ZEB1: variants seen among roughly 807,000 people sequenced by gnomAD.
The protein encoded by ZEB1 is zinc finger E-box-binding homeobox 1.
Under a neutral mutation model 84.9 loss-of-function variants are expected in ZEB1, and 21 were observed. The observed-to-expected ratio is 0.25, with a 90% CI of 0.18 to 0.36. ZEB1 has a LOEUF of 0.36. Ranked by LOEUF, ZEB1 falls within the 10% of genes least tolerant of loss-of-function variation. The pLI is 1.00. For synonymous variants in ZEB1, 420 were observed against 471.1 expected, an observed-to-expected ratio of 0.89 and a Z score of 1.41; for missense variants, 1,104 against 1,330.2, an observed-to-expected ratio of 0.83 and a Z score of 2.65.
intron 1 of ZEB1, among the ~76,000 whole-genome samples, chr10:31,322,647 T>A (rs1157295745): frequency 6.6e-6 from 1 of 152,204 alleles, no homozygotes; most frequent in Non-Finnish European, 1.5e-5. Flanking sequence ...TTAGAATTGC[T>A]TGAATTAGTT....
At chr10:31,395,116 A>G (rs1434329253) in intron 1 of ZEB1, among the ~76,000 whole-genome samples, 2 of 152,224 alleles carry the variant, frequency 1.3e-5, no homozygotes, top group Non-Finnish European at 2.9e-5. Flanking sequence ...GAAACATTGC[A>G]TAGATCTGCT....
intron 2 of ZEB1, among the ~76,000 whole-genome samples, chr10:31,490,420 T>A (rs1037366168): frequency 2.6e-5 from 4 of 151,730 alleles, no homozygotes; most frequent in Admixed American, 6.6e-5. Context: ...TTTCCATTGA[T>A]GTACTGTCAA....
At chr10:31,395,598 G>T (rs1194267857) in intron 1 of ZEB1, among the ~76,000 whole-genome samples, 2 of 152,146 alleles carry the variant, frequency 1.3e-5, no homozygotes. Context: ...TAGGGATGAG[G>T]TCTGACCTGA....
At chr10:31,352,058 A>G (rs1008802240) in intron 1 of ZEB1, among the ~76,000 whole-genome samples, 2 of 152,230 alleles carry the variant, frequency 1.3e-5, no homozygotes, top group African/African-American at 4.8e-5. Flanking sequence ...CATATAATTC[A>G]TAATACATAG....
chr10:31,333,238 C>T (rs1448250937), intron 1 of ZEB1, among the ~76,000 whole-genome samples: 1 of 152,088 alleles, frequency 6.6e-6, no homozygotes, highest in Non-Finnish European at 1.5e-5. Context: ...TGTTCATTTT[C>T]ACCTGAGTTG....
intron 1 of ZEB1, among the ~76,000 whole-genome samples, chr10:31,379,401 A>G (rs889932851): frequency 2.0e-5 from 3 of 151,540 alleles, no homozygotes; most frequent in African/African-American, 4.9e-5. Context: ...AACTTAACCA[A>G]TTCTCCTCTT....
intron 5 of ZEB1, among the ~76,000 whole-genome samples, chr10:31,511,329 G>T (rs952756944): frequency 6.6e-6 from 1 of 151,912 alleles, no homozygotes; most frequent in African/African-American, 2.4e-5. Context: ...TAAGCTACGT[G>T]GTTTTTTTCC....
rs542043685 is a variant in ZEB1, at chr10:31,352,821, G to A, written c.58+33529G>A. On this transcript the variant is annotated intron_variant, in intron 1 of 8. Coordinates refer to ENST00000424869, the MANE Select transcript of ZEB1 (RefSeq NM_001174096.2). ...ACTTAGCATTACTTCTGCCCATTCT[G>A]TTGATCAAAACAAGTCACAAGGCCA... Among the ~76,000 whole-genome samples the A allele has an allele frequency of 2.0e-5, 3 of 152,304 alleles. No individual in the cohort carries two copies. In the East Asian group the frequency reaches 5.8e-4, roughly 29 times the overall value.
intron 1 of ZEB1, among the ~76,000 whole-genome samples, chr10:31,409,802 G>A (rs1300971912): frequency 6.6e-6 from 1 of 150,778 alleles, no homozygotes; most frequent in Non-Finnish European, 1.5e-5. Flanking sequence ...TCATGATTTG[G>A]CTCTGTTTGT....
chr10:31,388,655 G>T (rs992600560), intron 1 of ZEB1, among the ~76,000 whole-genome samples: 2 of 151,994 alleles, frequency 1.3e-5, no homozygotes, highest in African/African-American at 4.8e-5. Context: ...CTTCAAAACA[G>T]ATATCATGTA....
At chr10:31,353,597 A>G (rs1257542192) in intron 1 of ZEB1, among the ~76,000 whole-genome samples, 2 of 152,246 alleles carry the variant, frequency 1.3e-5, no homozygotes, top group Non-Finnish European at 2.9e-5. Flanking sequence ...ACAAGTACCT[A>G]GCCAAAGAGA....
chr10:31,506,874 T>C (rs1306009228), intron 4 of ZEB1, among the ~76,000 whole-genome samples: 2 of 152,118 alleles, frequency 1.3e-5, no homozygotes, highest in Non-Finnish European at 2.9e-5. Context: ...TTTTCTATAG[T>C]GGTAACATTT....
chr10:31,355,346 A>T (rs2041946361), intron 1 of ZEB1, among the ~76,000 whole-genome samples: 1 of 152,088 alleles, frequency 6.6e-6, no homozygotes, highest in Admixed American at 6.6e-5. Context: ...ATTTAATGAG[A>T]CTCATTTATT....
chr10:31,524,012 A>C lies in ZEB1; in HGVS notation c.2684A>C (p.Lys895Thr), dbSNP rs748125873. ...QNDSDSTPPK[K>T]KMRKTENGMY... ...GACTCTGATTCTACACCGCCCAAAAAGAAAATGCGGAAGACAGAAAATGGA... is the reference window on the plus strand; with the variant it reads ...GACTCTGATTCTACACCGCCCAAAACGAAAATGCGGAAGACAGAAAATGGA... The change falls in exon 8 of 9, where the codon AAG (lysine) becomes ACG (threonine). Residue 895 changes from lysine to threonine, a missense_variant. This residue lies in a region of ZEB1 where 531 missense variants were observed against 575.2 expected (regional missense o/e 0.92). Coordinates refer to ENST00000424869, the MANE Select transcript of ZEB1 (RefSeq NM_001174096.2). The C allele has an allele frequency of 6.2e-7, 1 of 1,614,026 alleles. No homozygotes were observed. The highest frequency in any genetic ancestry group is 2.2e-5 in the East Asian group (1 of 44,822).
rs567252241 is a variant in ZEB1 at position 31,521,422 on chromosome 10, A to G, written c.2090A>G (p.Asn697Ser). 9.9e-6 allele frequency: 16 copies of G among 1,613,976 alleles called. No individual in the cohort carries two copies. The highest frequency in any genetic ancestry group is 9.3e-5 in the African/African-American group (7 of 74,910). Residue 697 changes from asparagine (N) to serine (S), a missense_variant, in exon 7 of 9, where the codon AAT becomes AGT. Coordinates refer to ENST00000424869, the MANE Select transcript of ZEB1 (RefSeq NM_001174096.2). ...SPVLPVGSTT[N>S]GSRSSTPSPS... Reference sequence around the variant, plus strand: ...GTTTTACCAGTGGGATCAACCACCAATGGTTCCAGAAGTAGTACACCATCC... The same window carrying G: ...GTTTTACCAGTGGGATCAACCACCAGTGGTTCCAGAAGTAGTACACCATCC...
At chr10:31,342,816 T>C (rs748635149) in intron 1 of ZEB1, among the ~76,000 whole-genome samples, 1 of 152,120 alleles carries the variant, frequency 6.6e-6, no homozygotes, top group Non-Finnish European at 1.5e-5. Flanking sequence ...GTTGGAAAGC[T>C]CCAGAAATAT....
At chr10:31,377,518 A>G (rs2046859392) in intron 1 of ZEB1, among the ~76,000 whole-genome samples, 1 of 151,828 alleles carries the variant, frequency 6.6e-6, no homozygotes, top group Non-Finnish European at 1.5e-5. Flanking sequence ...AGAGGAATTC[A>G]TTAAGGTGGT....
chr10:31,354,490 A>C (rs2041813700), intron 1 of ZEB1, among the ~76,000 whole-genome samples: 1 of 152,150 alleles, frequency 6.6e-6, no homozygotes, highest in Non-Finnish European at 1.5e-5. Context: ...AATTTTTCTA[A>C]GGATTATTCT....
intron 1 of ZEB1, among the ~76,000 whole-genome samples, chr10:31,415,272 G>A (rs765598510): frequency 3.9e-5 from 6 of 152,042 alleles, no homozygotes; most frequent in Non-Finnish European, 7.4e-5. Flanking sequence ...CCCCTTTACT[G>A]TCTACATTAA....
Sources: gnomAD v4.1 joint callset for allele counts (sites outside exome capture counted in the v4.1 genomes callset) on GRCh38, gnomAD v4.1.1 for gene constraint, gnomAD v4.1.1 regional missense constraint, MANE v1.5 for transcripts, NCBI Gene and HGNC (gene_info 2026-07-23, HGNC 2026-07-21) for gene names.